USH2A: variants seen among roughly 807,000 people sequenced by gnomAD.
USH2A encodes the protein usherin.
A neutral mutation model predicts 538.9 loss-of-function variants in USH2A; 443 were observed. The ratio of observed to expected loss-of-function variants is 0.82; its 90% CI spans 0.76 to 0.89. The LOEUF (loss-of-function observed/expected upper bound fraction) is 0.89. Ranked by LOEUF, USH2A falls within the 40% of genes least tolerant of loss-of-function variation. The pLI is 0.00. For missense variants in USH2A, 6,633 were observed against 6,324.8 expected, an observed-to-expected ratio of 1.05 and a Z score of -1.65; for synonymous variants, 2,413 against 2,273.5, an observed-to-expected ratio of 1.06 and a Z score of -1.75.
At chr1:216,264,785 C>A (rs905341299) in intron 11 of USH2A, among the ~76,000 whole-genome samples, 2 of 152,040 alleles carry the variant, frequency 1.3e-5, no homozygotes, top group African/African-American at 4.8e-5. Flanking sequence ...AACGGGTTTT[C>A]AACAAAGTCA....
chr1:216,241,329 T>C (rs2035932899), intron 13 of USH2A, among the ~76,000 whole-genome samples: 2 of 152,196 alleles, frequency 1.3e-5, no homozygotes, highest in Non-Finnish European at 2.9e-5. Context: ...CGGAAATTCC[T>C]AGGAAAATGA....
chr1:216,151,472 C>T (rs1247156532), intron 21 of USH2A, among the ~76,000 whole-genome samples: 2 of 152,100 alleles, frequency 1.3e-5, no homozygotes, highest in Admixed American at 6.5e-5. Flanking sequence ...CCACTAATTC[C>T]CTTGATGGTC....
At chr1:215,721,918 A>C (rs1005527313) in intron 61 of USH2A, among the ~76,000 whole-genome samples, 1 of 152,100 alleles carries the variant, frequency 6.6e-6, no homozygotes, top group African/African-American at 2.4e-5. Flanking sequence ...TTAAAAAATT[A>C]GCTGGGCATG....
At chr1:216,352,488 G>A (rs2038306285) in intron 4 of USH2A, among the ~76,000 whole-genome samples, 1 of 152,104 alleles carries the variant, frequency 6.6e-6, no homozygotes, top group Non-Finnish European at 1.5e-5. Flanking sequence ...TAAGTGCAGT[G>A]GTGAGCTAAA....
chr1:216,251,009 A>G lies in USH2A; in HGVS notation c.2061T>C (p.Asp687=), dbSNP rs2102551853. 12 of 1,614,046 alleles carry G rather than the reference A, an allele frequency of 7.4e-6. No individual in the cohort carries two copies. Among genetic ancestry groups the G allele is most frequent in the Non-Finnish European group, 1.0e-5 (12 of 1,179,984 alleles). ...QNGFYNLQEL[D]PDGCSPCNCN... ...AGTTACAGGGACTGCAGCCATCAGGATCCAACTCTTGTAGATTGTAGAATC... is the reference window on the plus strand; with the variant it reads ...AGTTACAGGGACTGCAGCCATCAGGGTCCAACTCTTGTAGATTGTAGAATC... The change falls in exon 12 of 72, where the codon GAT becomes GAC. Residue 687 remains aspartate (D), a synonymous_variant. Coordinates refer to ENST00000307340, the MANE Select transcript of USH2A (RefSeq NM_206933.4).
At chr1:216,209,772 T>A (rs1340036079) in intron 15 of USH2A, among the ~76,000 whole-genome samples, 3 of 152,202 alleles carry the variant, frequency 2.0e-5, no homozygotes, top group Non-Finnish European at 4.4e-5. Flanking sequence ...CCAAGGGTCC[T>A]GAAGCAGCTT....
At chr1:215,867,514 A>G (rs1664506388) in intron 43 of USH2A, among the ~76,000 whole-genome samples, 2 of 152,244 alleles carry the variant, frequency 1.3e-5, no homozygotes, top group Admixed American at 1.3e-4. Flanking sequence ...ATGCAATTAC[A>G]AATCAGGCAA....
intron 22 of USH2A, among the ~76,000 whole-genome samples, chr1:216,090,427 A>G (rs2032268819): frequency 6.6e-6 from 1 of 151,232 alleles, no homozygotes; most frequent in Non-Finnish European, 1.5e-5. Context: ...TCATGTTACC[A>G]AAGTAAAAAA....
At chr1:215,878,720 A>G (rs765787535) in intron 42 of USH2A, 44 bp downstream of exon 42, 5 of 1,589,308 alleles carry the variant, frequency 3.1e-6, no homozygotes, top group Non-Finnish European at 4.3e-6. Context: ...TCTCAGAGAG[A>G]TAAGGACTAC....
chr1:215,995,274 T>C (rs1163812475), intron 34 of USH2A, among the ~76,000 whole-genome samples: 2 of 152,220 alleles, frequency 1.3e-5, no homozygotes, highest in Non-Finnish European at 2.9e-5. Context: ...CTGAGATCCA[T>C]AAACCAGTAA....
At chr1:215,919,445 T>C (rs1666040745) in intron 38 of USH2A, among the ~76,000 whole-genome samples, 1 of 152,062 alleles carries the variant, frequency 6.6e-6, no homozygotes, top group Admixed American at 6.6e-5. Flanking sequence ...ATTGTATAAC[T>C]TGCCGAAGCT....
intron 64 of USH2A, among the ~76,000 whole-genome samples, chr1:215,657,497 C>T (rs908253859): frequency 2.6e-5 from 4 of 152,048 alleles, no homozygotes; most frequent in African/African-American, 9.7e-5. Flanking sequence ...ATTTATTTAA[C>T]TGTCTATCTA....
chr1:216,323,602 T>A lies in USH2A; in HGVS notation c.1422A>T (p.Pro474=). ...TGGCTTTTACGAACTCTTGAAGAGA[T>A]GGGGTATTATAGAAGTTATTGTATC... ...RPGYNNFYNT[P]SLQEFVKATQ... is the part of the protein sequence containing the mutation. Residue 474 remains proline (P), a synonymous_variant, in exon 8 of 72, where the codon CCA becomes CCT. Coordinates refer to ENST00000307340, the MANE Select transcript of USH2A (RefSeq NM_206933.4). 6.2e-7 allele frequency: 1 copy of A among 1,613,496 alleles called. No homozygotes were observed. Among genetic ancestry groups the A allele is most frequent in the Non-Finnish European group, 8.5e-7 (1 of 1,179,728 alleles).
intron 49 of USH2A, among the ~76,000 whole-genome samples, chr1:215,803,578 G>A (rs1662403231): frequency 6.6e-6 from 1 of 152,108 alleles, no homozygotes; most frequent in South Asian, 2.1e-4. Context: ...ACTTACAAGG[G>A]ATGTGAAGGA....
At chr1:216,088,517 T>C (rs2032203565) in intron 23 of USH2A, among the ~76,000 whole-genome samples, 1 of 152,158 alleles carries the variant, frequency 6.6e-6, no homozygotes, top group Non-Finnish European at 1.5e-5. Context: ...AGTGATCATG[T>C]TATAATTACA....
chr1:215,860,739 C>T (rs1353391326), intron 44 of USH2A, among the ~76,000 whole-genome samples: 1 of 152,136 alleles, frequency 6.6e-6, no homozygotes, highest in Non-Finnish European at 1.5e-5. Context: ...TGATTCAGAT[C>T]AATTATAGTA....
intron 47 of USH2A, among the ~76,000 whole-genome samples, chr1:215,819,274 T>C (rs924948198): frequency 6.6e-6 from 1 of 151,798 alleles, no homozygotes; most frequent in African/African-American, 2.4e-5. Context: ...AGGTAAAATA[T>C]GTCTTTGCAG....
rs376983577 is a variant in USH2A at position 215,934,748 on chromosome 1, C to T, written c.7168G>A (p.Gly2390Arg). ...AGCACCCAAAGGTTTGTCTCTTCTC[C>T]GCTGTACATGACTTTTGTGACATTC... is the stretch of plus-strand genomic sequence containing the variant. ...LLNVTKVMYS[G>R]EETNLWVLID... The change falls in exon 38 of 72, where the codon GGA becomes AGA. Residue 2390 changes from glycine (G) to arginine (R), a missense_variant. Gly to Arg is a moderately radical substitution (Grantham distance 125). Transcript: ENST00000307340. 107 of 1,612,608 alleles carry T rather than the reference C, an allele frequency of 6.6e-5. No individual in the cohort carries two copies. In the South Asian group the frequency reaches 7.7e-4, roughly 12 times the overall value.
chr1:216,325,806 C>T (rs1435120900), intron 5 of USH2A, among the ~76,000 whole-genome samples: 1 of 152,112 alleles, frequency 6.6e-6, no homozygotes. Context: ...AAAACCCACA[C>T]ATTTTAATAT....
Sources: gnomAD v4.1 joint callset for allele counts (sites outside exome capture counted in the v4.1 genomes callset) on GRCh38, gnomAD v4.1.1 for gene constraint, MANE v1.5 for transcripts, NCBI Gene and HGNC (gene_info 2026-07-23, HGNC 2026-07-21) for gene names.